CCDC180: variants seen among roughly 807,000 people sequenced by gnomAD.
CCDC180 encodes coiled-coil domain containing 180, also known as coiled-coil domain-containing protein 180.
A neutral mutation model predicts 209.2 loss-of-function variants in CCDC180; 154 were observed. The ratio of observed to expected loss-of-function variants is 0.74; its 90% CI spans 0.65 to 0.84. The LOEUF is 0.84. CCDC180 is among the 40% of genes least tolerant of loss of function. The probability of loss-of-function intolerance (pLI) is 0.00; values close to 1 mark genes in which losing one functional copy is unlikely to be tolerated. For synonymous variants in CCDC180, 778 were observed against 749.1 expected, an observed-to-expected ratio of 1.04 and a Z score of -0.63; for missense variants, 1,874 against 1,997.3, an observed-to-expected ratio of 0.94 and a Z score of 1.18.
rs114125305 is a variant in CCDC180 at position 97,347,336 on chromosome 9, C to T, written c.2521C>T (p.His841Tyr). 1.3e-6 allele frequency: 2 copies of T among 1,536,024 alleles called. No homozygotes were observed. Among genetic ancestry groups the T allele is most frequent in the African/African-American group, 1.4e-5 (1 of 73,178 alleles). ...CAGACTTCGAGCTGGCTTCTTCGAG[C>T]ACCTTGAGAAGTGGTTTGACCAGTG... ...KKQLRAGFFE[H>Y]LEKWFDQCSL... is the part of the protein sequence containing the mutation. The change falls in exon 20 of 37, where the codon CAC (histidine) becomes TAC (tyrosine). Residue 841 changes from histidine to tyrosine, a missense_variant. Coordinates refer to ENST00000529487, the MANE Select transcript of CCDC180 (RefSeq NM_020893.6).
Position 97,369,928 on chromosome 9 carries a change from G to T in CCDC180, c.4196G>T (p.Arg1399Leu). The change falls in exon 32 of 37, where the codon CGG becomes CTG. Residue 1399 changes from arginine (R) to leucine (L), a missense_variant. By Grantham distance (102) the Arg-to-Leu change is moderately radical. Coordinates refer to ENST00000529487, the MANE Select transcript of CCDC180 (RefSeq NM_020893.6). ...KYHNSCLIEL[R>L]IQIRRFEELL... The stretch of plus-strand genomic sequence containing the variant: ...TTACCCGCACTTCTGGCAGAATTAC[G>T]GATCCAGATCAGGAGATTTGAGGAG... The T allele has an allele frequency of 6.2e-7, 1 of 1,614,092 alleles. No homozygotes were observed. The highest frequency in any genetic ancestry group is 1.3e-5 in the African/African-American group (1 of 75,018).
intron 35 of CCDC180, among the ~76,000 whole-genome samples, chr9:97,374,949 G>C (rs555077820): frequency 1.2e-4 from 18 of 152,326 alleles, no homozygotes; most frequent in Admixed American, 1.2e-3. Flanking sequence ...TGGCTCAGTG[G>C]GGGACACATT....
intron 29 of CCDC180, among the ~76,000 whole-genome samples, chr9:97,364,935 A>C (rs1587832667): frequency 6.6e-6 from 1 of 152,222 alleles, no homozygotes; most frequent in Non-Finnish European, 1.5e-5. Flanking sequence ...ATGGTGAACA[A>C]GTACAGACAG....
intron 29 of CCDC180, 74 bp downstream of exon 29, chr9:97,364,202 C>A: frequency 1.4e-6 from 2 of 1,402,670 alleles, no homozygotes; most frequent in Non-Finnish European, 2.0e-6. Context: ...TGTGACTCAG[C>A]TGAGGGGAAA....
At chr9:97,320,057 G>A (rs1243570244) in intron 10 of CCDC180, 69 bp from the exon 11 acceptor site, 5 of 1,163,984 alleles carry the variant, frequency 4.3e-6, no homozygotes, top group Non-Finnish European at 6.5e-6. Flanking sequence ...GTTCCTTGAA[G>A]ATGCTACCCA....
At chr9:97,328,215 T>C (rs1201805901) in intron 16 of CCDC180, 69 bp downstream of exon 16, 22 of 1,552,900 alleles carry the variant, frequency 1.4e-5, no homozygotes, top group Non-Finnish European at 1.9e-5. Flanking sequence ...CTTCTTGTTA[T>C]GATCTGCCTA....
chr9:97,372,172 C>T (rs1827119702), intron 34 of CCDC180: 1 of 152,538 alleles, frequency 6.6e-6, no homozygotes, highest in Non-Finnish European at 1.5e-5. Context: ...AACACATGCT[C>T]TTCAAAAGAG....
Position 97,314,865 on chromosome 9 carries a change from G to A in CCDC180, c.714G>A (p.Leu238=). ...GTCATTTCTAGCTAAAAAGCGTGTT[G>A]AAGAAATATGCAGAAGTCATAGAGA... ...FSRTDKLKSV[L]KKYAEVIEKT... The change falls in exon 8 of 37, where the codon TTG becomes TTA. Residue 238 remains leucine (L), a synonymous_variant. Transcript: ENST00000529487. The A allele has an allele frequency of 6.2e-7, 1 of 1,614,002 alleles. No individual in the cohort carries two copies. The highest frequency in any genetic ancestry group is 8.5e-7 in the Non-Finnish European group (1 of 1,179,894).
chr9:97,322,989 C>G, intron 12 of CCDC180, 68 bp downstream of exon 12: 1 of 1,257,366 alleles, frequency 8.0e-7, no homozygotes, highest in Non-Finnish European at 1.1e-6. Context: ...TTCCCTGGCC[C>G]CATACCCACT....
intron 18 of CCDC180, among the ~76,000 whole-genome samples, chr9:97,331,296 C>T (rs1208247780): frequency 2.0e-5 from 3 of 152,196 alleles, no homozygotes. Flanking sequence ...ATATGTACCA[C>T]ATTTTATTTA....
rs1430370536 is a variant in CCDC180 at position 97,354,654 on chromosome 9, T to C, written c.3088T>C (p.Leu1030=). The change falls in exon 23 of 37, where the codon TTG becomes CTG. Residue 1030 remains leucine (L), a synonymous_variant. Transcript: ENST00000529487. The part of the protein sequence containing the change: ...RLEKEAARIE[L]VESVIMLNME... ...GGAGAAGGAAGCTGCCCGGATAGAG[T>C]TGGTTGAAAGTGTCATCATGCTCAA... 3 of 1,614,046 alleles carry C rather than the reference T, an allele frequency of 1.9e-6. No homozygotes were observed. Among genetic ancestry groups the C allele is most frequent in the Non-Finnish European group, 2.5e-6 (3 of 1,180,034 alleles).
intron 16 of CCDC180, 79 bp from the exon 17 acceptor site, chr9:97,330,066 CAAAAAAAAA>C: frequency 2.2e-5 from 13 of 579,014 alleles, no homozygotes; most frequent in African/African-American, 6.4e-5. Flanking sequence ...AGACTCCTCT[CAAAAAAAAA>C]AAAAAAAAAA....
chr9:97,328,193 G>A, intron 16 of CCDC180, 47 bp downstream of exon 16: 1 of 1,593,064 alleles, frequency 6.3e-7, no homozygotes, highest in African/African-American at 1.3e-5. Flanking sequence ...AAGAAGCTAA[G>A]GGAGAGGCTG....
At position 97,326,572 on chromosome 9, in the gene CCDC180, G is replaced by T; in HGVS notation, c.1564G>T (p.Asp522Tyr). 6.2e-7 allele frequency: 1 copy of T among 1,613,110 alleles called. No individual in the cohort carries two copies. The highest frequency in any genetic ancestry group is 8.5e-7 in the Non-Finnish European group (1 of 1,179,128). Residue 522 changes from aspartate to tyrosine, a missense_variant, in exon 15 of 37, where the codon GAT becomes TAT. Transcript: ENST00000529487. ...CTTCCAGGTGCAGGAGGCCCACCTCGATAGGCTCTTGGACCAACTGAGGCA... is the reference window on the plus strand; with the variant it reads ...CTTCCAGGTGCAGGAGGCCCACCTCTATAGGCTCTTGGACCAACTGAGGCA... ...LESQVQEAHL[D>Y]RLLDQLRQQS...
chr9:97,335,278 A>G (rs1825867187), intron 18 of CCDC180, among the ~76,000 whole-genome samples: 1 of 151,868 alleles, frequency 6.6e-6, no homozygotes, highest in Non-Finnish European at 1.5e-5. Context: ...TGCTGCACCC[A>G]TCAACTCGTC....
intron 3 of CCDC180, among the ~76,000 whole-genome samples, chr9:97,311,418 T>C (rs977587413): frequency 1.3e-5 from 2 of 152,198 alleles, no homozygotes; most frequent in East Asian, 1.9e-4. Flanking sequence ...ATTGGACATA[T>C]GGGGCGCCCA....
intron 3 of CCDC180, among the ~76,000 whole-genome samples, chr9:97,311,807 T>C (rs114954432): frequency 6.6e-6 from 1 of 152,260 alleles, no homozygotes; most frequent in African/African-American, 2.4e-5. Context: ...ATCCTCAGTT[T>C]CCCCAGGTGG....
At chr9:97,331,502 G>A (rs1257622613) in intron 18 of CCDC180, among the ~76,000 whole-genome samples, 1 of 151,534 alleles carries the variant, frequency 6.6e-6, no homozygotes, top group Non-Finnish European at 1.5e-5. Context: ...TGCCACACTG[G>A]AATACACTCC....
intron 18 of CCDC180, among the ~76,000 whole-genome samples, chr9:97,336,180 G>A (rs1825898577): frequency 6.6e-6 from 1 of 152,186 alleles, no homozygotes; most frequent in Non-Finnish European, 1.5e-5. Context: ...GATCCCATTT[G>A]TCAATTATGG....
Sources: gnomAD v4.1 joint callset for allele counts (sites outside exome capture counted in the v4.1 genomes callset) on GRCh38, gnomAD v4.1.1 for gene constraint, MANE v1.5 for transcripts, NCBI Gene and HGNC (gene_info 2026-07-23, HGNC 2026-07-21) for gene names.